Variants in FBXL5 observed in about 807,000 individuals in gnomAD.
FBXL5 encodes F-box/LRR-repeat protein 5.
In FBXL5, 26 loss-of-function variants were observed where a neutral mutation model predicts 78.3. That is an observed-to-expected ratio of 0.33 (90% confidence interval 0.24 to 0.46). The LOEUF (loss-of-function observed/expected upper bound fraction) is 0.46. FBXL5 is among the 20% of genes least tolerant of loss of function. The probability of loss-of-function intolerance (pLI) is 1.00; values close to 1 mark genes in which losing one functional copy is unlikely to be tolerated. For missense variants in FBXL5, 710 were observed against 829.2 expected (o/e 0.86, Z 1.77); for synonymous variants, 295 against 282.5 (o/e 1.04, Z -0.45).
intron 1 of FBXL5, among the ~76,000 whole-genome samples, chr4:15,672,800 A>T (rs1378639791): frequency 6.6e-6 from 1 of 152,174 alleles, no homozygotes; most frequent in Admixed American, 6.5e-5. Flanking sequence ...AAACTTAAAA[A>T]TTTTTTTAAA....
chr4:15,662,434 C>T (rs948214461), upstream of FBXL5, among the ~76,000 whole-genome samples: 7 of 152,070 alleles, frequency 4.6e-5, no homozygotes, highest in African/African-American at 1.2e-4. Flanking sequence ...TAAAGATTAA[C>T]GGAATAAGTG....
intron 1 of FBXL5, among the ~76,000 whole-genome samples, chr4:15,650,455 T>TA (rs1366267523): frequency 1.3e-5 from 2 of 152,148 alleles, no homozygotes; most frequent in Non-Finnish European, 2.9e-5. Flanking sequence ...AAAAGAGATT[T>TA]ATGACCTACT....
upstream of FBXL5, among the ~76,000 whole-genome samples, chr4:15,657,187 T>C (rs1292237017): frequency 1.3e-5 from 2 of 152,206 alleles, no homozygotes; most frequent in Non-Finnish European, 2.9e-5. Flanking sequence ...CTTTACCTCA[T>C]ACTAATCTTT....
chr4:15,630,529 T>G, intron 6 of FBXL5, 137 bp downstream of exon 6: 1 of 689,492 alleles, frequency 1.5e-6, no homozygotes, highest in Non-Finnish European at 2.1e-6. Context: ...CCTTCAAATT[T>G]TAAAAAGTAG....
chr4:15,680,897 AAGC>A (rs916178832), intron 1 of FBXL5, among the ~76,000 whole-genome samples: 56 of 149,170 alleles, frequency 3.8e-4, no homozygotes, highest in African/African-American at 1.4e-3. Flanking sequence ...CAAAAAAATA[AAGC>A]AGTATATATT....
In FBXL5 at chr4:15,630,534, A is replaced by G. The variant is rs182345236; in HGVS notation, c.892+132T>C. On this transcript the variant is annotated intron_variant, in intron 6 of 10. Transcript: ENST00000341285. The stretch of plus-strand genomic sequence containing the variant: ...CATTATTATTCCTTCAAATTTTAAA[A>G]AGTAGTAGGCTTAGAAACACCAGTT... 514 of 726,324 alleles carry G rather than the reference A, an allele frequency of 7.1e-4. 1 individual carries two copies. The African/African-American group carries it at 8.4e-3, about 12-fold the overall frequency. The allele number at this position is 726,324 out of a possible 1,614,324, so 45.0% of individuals were successfully genotyped here.
chr4:15,641,473 A>AT, intron 2 of FBXL5: 1 of 340,522 alleles, frequency 2.9e-6, no homozygotes, highest in East Asian at 8.4e-5. Context: ...TAGTGAATAG[A>AT]TTTTTTTCTT....
At chr4:15,677,738 T>C (rs1718047617) in intron 1 of FBXL5, among the ~76,000 whole-genome samples, 1 of 152,222 alleles carries the variant, frequency 6.6e-6, no homozygotes, top group Non-Finnish European at 1.5e-5. Context: ...TTGTATCCTT[T>C]ACACAAAAAT....
intron 2 of FBXL5, 119 bp downstream of exon 2, chr4:15,644,374 G>C (rs1715170493): frequency 1.3e-6 from 1 of 797,156 alleles, no homozygotes; most frequent in African/African-American, 1.7e-5. Context: ...TTTAACAAGT[G>C]ACAAAATAAT....
chr4:15,659,522 G>A (rs946274020), upstream of FBXL5, among the ~76,000 whole-genome samples: 11 of 152,090 alleles, frequency 7.2e-5, no homozygotes, highest in African/African-American at 2.2e-4. Context: ...GAGCTGCACC[G>A]CAAACTACGT....
At chr4:15,646,008 T>C (rs765244484) in intron 1 of FBXL5, among the ~76,000 whole-genome samples, 2 of 152,090 alleles carry the variant, frequency 1.3e-5, no homozygotes, top group African/African-American at 4.8e-5. Flanking sequence ...AATAAGACAA[T>C]GAACAGTTAA....
chr4:15,678,941 T>G (rs561202421), intron 1 of FBXL5, among the ~76,000 whole-genome samples: 1 of 152,256 alleles, frequency 6.6e-6, no homozygotes, highest in Non-Finnish European at 1.5e-5. Flanking sequence ...CTTAAAAAAC[T>G]TTTACTGGTC....
chr4:15,670,369 CATTCTTCATCCTTGGCAGT>C (rs1294858997), intron 1 of FBXL5, among the ~76,000 whole-genome samples: 2 of 152,194 alleles, frequency 1.3e-5, no homozygotes, highest in Non-Finnish European at 2.9e-5. Context: ...CTCCGTTTTG[CATTCTTCATCCTTGGCAGT>C]ATTCTTTGCT....
chr4:15,621,017 G>T (rs111512403), intron 9 of FBXL5, among the ~76,000 whole-genome samples: 2,483 of 152,172 alleles, frequency 0.016, 71 homozygotes, highest in African/African-American at 0.056. Flanking sequence ...GTCTGTTCAG[G>T]ACTCTCAGCT....
chr4:15,619,000 A>G (rs891206714), intron 9 of FBXL5, among the ~76,000 whole-genome samples: 2 of 152,042 alleles, frequency 1.3e-5, no homozygotes, highest in African/African-American at 4.8e-5. Flanking sequence ...CCAAAAATAC[A>G]AAAATTACCT....
At chr4:15,616,724 A>T (rs1711921471) in intron 9 of FBXL5, among the ~76,000 whole-genome samples, 1 of 152,228 alleles carries the variant, frequency 6.6e-6, no homozygotes, top group Non-Finnish European at 1.5e-5. Context: ...GAATGCCCAC[A>T]GGGATCTCCC....
intron 1 of FBXL5, among the ~76,000 whole-genome samples, chr4:15,653,119 T>TAA (rs1716335430): frequency 6.6e-6 from 1 of 152,146 alleles, no homozygotes; most frequent in African/African-American, 2.4e-5. Flanking sequence ...TTTTTTTCCC[T>TAA]AAATCGCCTC....
At position 15,616,383 on chromosome 4, in the gene FBXL5, T is replaced by TCACTCCTGCCATA. The variant is rs113065979; in HGVS notation, c.1851-3970_1851-3969insTATGGCAGGAGTG. Among the ~76,000 whole-genome samples the TCACTCCTGCCATA allele has an allele frequency of 2.6e-5, 4 of 151,980 alleles. No individual in the cohort carries two copies. The East Asian group carries it at 7.8e-4, about 30-fold the overall frequency. On this transcript the variant is annotated intron_variant, in intron 9 of 10. Transcript: ENST00000341285. Reference sequence around the variant, plus strand: ...TCCCACACAGCCCAAAAGGCAGGTCTCACCCCCAACAGCACCATGCCCCCT... The same window carrying TCACTCCTGCCATA: ...TCCCACACAGCCCAAAAGGCAGGTCTCACTCCTGCCATACACCCCCAACAGCACCATGCCCCCT...
intron 1 of FBXL5, among the ~76,000 whole-genome samples, chr4:15,667,585 A>G (rs1264001184): frequency 2.0e-5 from 3 of 152,168 alleles, no homozygotes; most frequent in Non-Finnish European, 4.4e-5. Context: ...GATCTTTTTA[A>G]TAGAAAAATG....
Sources: gnomAD v4.1 joint callset for allele counts (sites outside exome capture counted in the v4.1 genomes callset) on GRCh38, gnomAD v4.1.1 for gene constraint, MANE v1.5 for transcripts, NCBI Gene and HGNC (gene_info 2026-07-23, HGNC 2026-07-21) for gene names.